HS1BP3: variants seen among roughly 807,000 people sequenced by gnomAD.
The protein encoded by HS1BP3 is HCLS1 binding protein 3.
HS1BP3 carries 32 observed loss-of-function variants against 33.5 expected under a neutral mutation model. The observed-to-expected ratio is 0.95, with a 90% confidence interval of 0.72 to 1.28. The LOEUF (loss-of-function observed/expected upper bound fraction) is 1.28. Among genes scored for constraint, HS1BP3 ranks in the 50% most tolerant of loss-of-function variants. The pLI, the probability that HS1BP3 is intolerant of heterozygous loss-of-function variation, is 0.00. For missense variants in HS1BP3, 486 were observed against 502.3 expected, an observed-to-expected ratio of 0.97 and a Z score of 0.31; for synonymous variants, 187 against 209.2, an observed-to-expected ratio of 0.89 and a Z score of 0.92.
At chr2:20,596,542 A>C (rs1693947080) in intron 3 of HS1BP3, among the ~76,000 whole-genome samples, 1 of 152,202 alleles carries the variant, frequency 6.6e-6, no homozygotes, top group Non-Finnish European at 1.5e-5. Context: ...CCAGGCACCA[A>C]ATCAACTGAT....
rs1693615047 is a variant in HS1BP3, at chr2:20,583,728, G to A, written c.303-23213C>T. On this transcript the variant is annotated intron_variant, in intron 5 of 5. Coordinates refer to the HS1BP3 transcript ENST00000446825. The stretch of plus-strand genomic sequence containing the variant: ...CCCAGTAGAGGAAGGGTATTCAGAT[G>A]TTGGGCCTCAGTGTGGCCCCCAAGC... Among the ~76,000 whole-genome samples, 3 of 152,206 alleles carry A rather than the reference G, an allele frequency of 2.0e-5. No homozygotes were observed. The South Asian group carries it at 6.2e-4, about 32-fold the overall frequency.
chr2:20,555,276 G>T, the HS1BP3 span, among the ~76,000 whole-genome samples: 4 of 152,248 alleles, frequency 2.6e-5, no homozygotes, highest in Non-Finnish European at 5.9e-5. Flanking sequence ...CGGCTTAAGA[G>T]GCCAGGTGGC....
At chr2:20,631,827 C>T (rs1363067973) in intron 4 of HS1BP3, among the ~76,000 whole-genome samples, 4 of 152,168 alleles carry the variant, frequency 2.6e-5, no homozygotes, top group African/African-American at 9.7e-5. Context: ...CTGCAGCCTA[C>T]ATTCTACAGC....
intron 5 of HS1BP3, among the ~76,000 whole-genome samples, chr2:20,568,521 T>C (rs539676832): frequency 4.6e-5 from 7 of 152,244 alleles, no homozygotes; most frequent in Admixed American, 4.6e-4. Context: ...AGGATCAGAC[T>C]TGTGGCTTGT....
chr2:20,595,234 G>A (rs565549683), intron 3 of HS1BP3, among the ~76,000 whole-genome samples: 2 of 152,108 alleles, frequency 1.3e-5, no homozygotes, highest in South Asian at 2.1e-4. Context: ...CCACAGAAAC[G>A]CCATGGCCCG....
intron 5 of HS1BP3, among the ~76,000 whole-genome samples, chr2:20,572,880 A>G (rs997615080): frequency 6.6e-6 from 1 of 152,160 alleles, no homozygotes; most frequent in Non-Finnish European, 1.5e-5. Flanking sequence ...GCTCCCTGCC[A>G]AGCCCCATGG....
rs367701992 is a variant in HS1BP3, at chr2:20,624,841, C to A, written c.675G>T (p.Ser225=). The stretch of plus-strand genomic sequence containing the variant: ...CCTCGTCAAAGATGGTGAGCCGGGG[C>A]GAGGGCTTGGCTTTCACGGCCACTT... ...HPKVAVKAKP[S]PRLTIFDEEV... Residue 225 remains serine, a synonymous_variant, in exon 5 of 7, where the codon TCG becomes TCT. Coordinates refer to ENST00000304031, the MANE Select transcript of HS1BP3 (RefSeq NM_022460.4). 1 of 1,613,762 alleles carries A rather than the reference C, an allele frequency of 6.2e-7. No homozygotes were observed. The highest frequency in any genetic ancestry group is 1.7e-5 in the Admixed American group (1 of 59,934).
intron 5 of HS1BP3, among the ~76,000 whole-genome samples, chr2:20,567,332 T>C (rs1693154463): frequency 6.6e-6 from 1 of 152,308 alleles, no homozygotes; most frequent in East Asian, 1.9e-4. Flanking sequence ...GCTGGGGGCA[T>C]CTCAGCCTTG....
chr2:20,642,585 C>T (rs1017883531), intron 2 of HS1BP3, among the ~76,000 whole-genome samples: 3 of 152,230 alleles, frequency 2.0e-5, no homozygotes, highest in Non-Finnish European at 2.9e-5. Flanking sequence ...CCTGCTGGCC[C>T]GACTGCTCCC....
chr2:20,605,816 TGGA>T (rs1694165563), intron 2 of HS1BP3, among the ~76,000 whole-genome samples: 1 of 152,246 alleles, frequency 6.6e-6, no homozygotes, highest in African/African-American at 2.4e-5. Flanking sequence ...TTCTGTTGGA[TGGA>T]TAAACCACAT....
chr2:20,592,958 C>T (rs555669455), intron 3 of HS1BP3, among the ~76,000 whole-genome samples: 15 of 152,310 alleles, frequency 9.8e-5, no homozygotes, highest in East Asian at 1.9e-4. Context: ...ATTCAACCCA[C>T]GATATCACCT....
the HS1BP3 span, among the ~76,000 whole-genome samples, chr2:20,554,450 C>T: frequency 1.4e-4 from 21 of 152,280 alleles, no homozygotes; most frequent in Middle Eastern, 3.4e-3. Flanking sequence ...GGGCCAGGCG[C>T]GGTGGCTGAT....
chr2:20,576,085 C>T (rs536003659), intron 5 of HS1BP3, among the ~76,000 whole-genome samples: 3 of 152,270 alleles, frequency 2.0e-5, no homozygotes, highest in Admixed American at 2.0e-4. Context: ...ATCTCCCGAT[C>T]CTCCTGTTTT....
intron 5 of HS1BP3, among the ~76,000 whole-genome samples, chr2:20,578,128 G>T (rs982536338): frequency 2.6e-5 from 4 of 152,238 alleles, no homozygotes; most frequent in African/African-American, 9.6e-5. Context: ...TCCCTGGCAA[G>T]GGGTGCAGGA....
chr2:20,619,297 G>C (rs768987166), intron 6 of HS1BP3, 52 bp from the exon 7 acceptor site: 34 of 1,446,576 alleles, frequency 2.4e-5, no homozygotes, highest in Non-Finnish European at 3.1e-5. Context: ...CCCCGTGACA[G>C]GAACAAGACC....
chr2:20,561,540 C>A (rs1357842718), intron 5 of HS1BP3, among the ~76,000 whole-genome samples: 4 of 152,024 alleles, frequency 2.6e-5, no homozygotes, highest in Admixed American at 2.6e-4. Flanking sequence ...ACATACAACC[C>A]CTCCCCACCT....
At position 20,638,639 on chromosome 2, in the gene HS1BP3, TG is replaced by T; in HGVS notation, c.419del (p.Pro140GlnfsTer47). Reference sequence around the variant, plus strand: ...CTCTGCTGGTGAGCCCTGCAGCCCCTGGGGATCTGGTACCTGTGGAGGAAGA... The same window carrying T: ...CTCTGCTGGTGAGCCCTGCAGCCCCTGGGATCTGGTACCTGTGGAGGAAGA... The part of the protein sequence containing the change: ...ELLEFLGTRS[P>X]GAAGLTSRDS... On this transcript the variant is annotated frameshift_variant, in exon 4 of 7. Transcript: ENST00000304031. LOFTEE classifies it high-confidence loss of function. 3.1e-6 allele frequency: 5 copies of T among 1,613,608 alleles called. No homozygotes were observed. Among genetic ancestry groups the T allele is most frequent in the Non-Finnish European group, 4.2e-6 (5 of 1,179,692 alleles).
chr2:20,614,970 T>G (rs756632501), downstream of HS1BP3, among the ~76,000 whole-genome samples: 3 of 152,210 alleles, frequency 2.0e-5, no homozygotes, highest in Non-Finnish European at 4.4e-5. Context: ...GGATTCTGTG[T>G]GTCGCAGCGC....
At chr2:20,597,542 G>A (rs984111955) in intron 3 of HS1BP3, among the ~76,000 whole-genome samples, 4 of 151,994 alleles carry the variant, frequency 2.6e-5, no homozygotes, top group African/African-American at 7.3e-5. Context: ...AAACCTCAGC[G>A]ATTCCACAGA....
Sources: allele counts gnomAD v4.1 joint callset (sites outside exome capture counted in the v4.1 genomes callset), GRCh38; gene constraint gnomAD v4.1.1; transcripts MANE v1.5; gene names NCBI Gene and HGNC (gene_info 2026-07-23, HGNC 2026-07-21).